The following HERC1 variants were observed in gnomAD, a reference collection of about 807,000 sequenced individuals.
HERC1 encodes the protein probable E3 ubiquitin-protein ligase HERC1.
HERC1 carries 160 observed loss-of-function variants against 554.3 expected under a neutral mutation model. The observed-to-expected ratio is 0.29, with a 90% CI of 0.25 to 0.33. The LOEUF is 0.33. HERC1 is among the 10% of genes least tolerant of loss of function. HERC1 has a pLI of 1.00. For synonymous variants in HERC1, 2,175 were observed against 2,131.7 expected (o/e 1.02, Z -0.56); for missense variants, 4,919 against 5,918.5 (o/e 0.83, Z 5.54).
At position 63,756,781 on chromosome 15, in the gene HERC1, T is replaced by C; in HGVS notation, c.1222-33A>G. On this transcript the variant is annotated intron_variant, in intron 4 of 77. Transcript: ENST00000443617. The surrounding 1 kb of genome is among the most constrained non-coding windows in gnomAD (Gnocchi z 5.0). ...CAAAGAATCATAAATATAAAATACT[T>C]CTGTGAGTATCAAAGTATAATATTT... 1 of 1,339,692 alleles carries C rather than the reference T, an allele frequency of 7.5e-7. No individual in the cohort carries two copies. The highest frequency in any genetic ancestry group is 1.0e-6 in the Non-Finnish European group (1 of 987,604). 83.0% of individuals were successfully genotyped at this position (1,339,692 alleles called of 1,614,324 possible).
intron 1 of HERC1, among the ~76,000 whole-genome samples, chr15:63,801,055 T>C (rs1374184104): frequency 6.6e-6 from 1 of 152,136 alleles, no homozygotes; most frequent in African/African-American, 2.4e-5. Flanking sequence ...AGCTTTCAGG[T>C]TGGTGAACAC....
intron 13 of HERC1, 93 bp from the exon 14 acceptor site, chr15:63,733,238 T>C (rs772991309): frequency 1.2e-4 from 89 of 752,796 alleles, no homozygotes; most frequent in Non-Finnish European, 2.0e-4. Flanking sequence ...ACTAATCCAC[T>C]TACTAGCTTA....
intron 69 of HERC1, among the ~76,000 whole-genome samples, chr15:63,630,227 C>T (rs975796296): frequency 9.9e-5 from 15 of 152,140 alleles, no homozygotes; most frequent in Admixed American, 9.8e-4. Context: ...CTCAGCCAAT[C>T]CCCTTAATCA....
In HERC1 at chr15:63,622,029, G is replaced by T. The variant is rs1034158287; in HGVS notation, c.13688+786C>A. Among the ~76,000 whole-genome samples, 8 of 152,242 alleles carry T rather than the reference G, an allele frequency of 5.3e-5. 1 individual carries two copies. The South Asian group carries it at 1.7e-3, about 32-fold the overall frequency. Reference sequence around the variant, plus strand: ...TCCGTCCAGCTTTGTTCCGTTGCTGGTGAGGAGCTGCGTAATCATTCTGTT... The same window carrying T: ...TCCGTCCAGCTTTGTTCCGTTGCTGTTGAGGAGCTGCGTAATCATTCTGTT... On this transcript the variant is annotated intron_variant, in intron 74 of 77. Transcript: ENST00000443617.
intron 57 of HERC1, 27 bp from the exon 58 acceptor site, chr15:63,643,577 T>A: frequency 6.7e-7 from 1 of 1,483,370 alleles, no homozygotes; most frequent in Non-Finnish European, 9.1e-7. Flanking sequence ...TTAACATGCA[T>A]TAAAATAAAG....
In HERC1 at chr15:63,669,534, G is replaced by C; in HGVS notation, c.8206+4C>G. 4 of 1,613,466 alleles carry C rather than the reference G, an allele frequency of 2.5e-6. No homozygotes were observed. The highest frequency in any genetic ancestry group is 3.4e-6 in the Non-Finnish European group (4 of 1,179,460). The stretch of plus-strand genomic sequence containing the variant: ...GATATCATAGTGCATATCAGCACAC[G>C]CACCTGTGCGGTTAGCTGGCCTTGC... On this transcript the variant is annotated splice_donor_region_variant and intron_variant, in intron 40 of 77. Coordinates refer to ENST00000443617, the MANE Select transcript of HERC1 (RefSeq NM_003922.4).
intron 1 of HERC1, among the ~76,000 whole-genome samples, chr15:63,824,935 CTAGGAGAG>C (rs1256654359): frequency 6.6e-6 from 1 of 151,036 alleles, no homozygotes; most frequent in Non-Finnish European, 1.5e-5. Context: ...AGAACAGTGG[CTAGGAGAG>C]TAGGGGAGAT....
chr15:63,620,384 T>C (rs1410614205), intron 74 of HERC1, among the ~76,000 whole-genome samples: 4 of 151,976 alleles, frequency 2.6e-5, no homozygotes, highest in South Asian at 2.1e-4. Flanking sequence ...TCTGTTCTTT[T>C]ACATTTGCTG....
intron 48 of HERC1, among the ~76,000 whole-genome samples, chr15:63,658,234 C>T (rs552410751): frequency 9.9e-5 from 15 of 152,174 alleles, no homozygotes; most frequent in Admixed American, 2.6e-4. Context: ...ACGGTCAATA[C>T]ATTTTGACCT....
In HERC1 at chr15:63,694,583, T is replaced by G; in HGVS notation, c.5243-34A>C. ...CAAAGAGACAGTTAAGAATCTTCCTTTCAGTAAACAAAGCATTTATTAAAA... is the reference window on the plus strand; with the variant it reads ...CAAAGAGACAGTTAAGAATCTTCCTGTCAGTAAACAAAGCATTTATTAAAA... On this transcript the variant is annotated intron_variant, in intron 28 of 77. Coordinates refer to ENST00000443617, the MANE Select transcript of HERC1 (RefSeq NM_003922.4). This position sits in a 1 kb window ranked among gnomAD's most constrained non-coding sequence, Gnocchi z 4.3. 5 of 1,559,394 alleles carry G rather than the reference T, an allele frequency of 3.2e-6. No homozygotes were observed. The highest frequency in any genetic ancestry group is 4.4e-6 in the Non-Finnish European group (5 of 1,132,484).
At chr15:63,788,142 T>G (rs2076516618) in intron 1 of HERC1, among the ~76,000 whole-genome samples, 1 of 152,122 alleles carries the variant, frequency 6.6e-6, no homozygotes, top group Admixed American at 6.5e-5. Context: ...CAGTACAGAA[T>G]GTGAAAAAGA....
At chr15:63,614,659 C>T (rs1447643215) in intron 76 of HERC1, among the ~76,000 whole-genome samples, 2 of 152,172 alleles carry the variant, frequency 1.3e-5, no homozygotes, top group African/African-American at 2.4e-5. Context: ...AAGACCCCAA[C>T]ATATTCTGCA....
intron 68 of HERC1, among the ~76,000 whole-genome samples, chr15:63,630,882 A>G (rs1354324582): frequency 6.6e-6 from 1 of 152,244 alleles, no homozygotes; most frequent in Non-Finnish European, 1.5e-5. Flanking sequence ...AGTTGTATCT[A>G]AACTCGGTAA....
At chr15:63,660,375 T>G (rs907180494) in intron 46 of HERC1, among the ~76,000 whole-genome samples, 1 of 152,138 alleles carries the variant, frequency 6.6e-6, no homozygotes, top group East Asian at 1.9e-4. Flanking sequence ...AAAATGCAGA[T>G]GGACTGAAAG....
Position 63,747,751 on chromosome 15 carries a change from A to C in HERC1, c.2327T>G (p.Ile776Ser), listed in dbSNP as rs1299716128. Residue 776 changes from isoleucine to serine, a missense_variant, in exon 11 of 78, where the codon ATT becomes AGT. By Grantham distance (142) the Ile-to-Ser change is moderately radical. Coordinates refer to ENST00000443617, the MANE Select transcript of HERC1 (RefSeq NM_003922.4). ...ERYCDKINSE[I>S]PPLPFPSSRE... ...TGATGAAGGGAAAGGGAGTGGGGGA[A>C]TCTCACTGTTTATTTTATCACAGTA... is the stretch of plus-strand genomic sequence containing the variant. 2 of 1,550,180 alleles carry C rather than the reference A, an allele frequency of 1.3e-6. No homozygotes were observed. The highest frequency in any genetic ancestry group is 3.9e-5 in the Admixed American group (2 of 50,968).
Position 63,696,201 on chromosome 15 carries a change from G to A in HERC1, c.5044C>T (p.Leu1682=). The A allele has an allele frequency of 6.2e-7, 1 of 1,613,510 alleles. No individual in the cohort carries two copies. Among genetic ancestry groups the A allele is most frequent in the Non-Finnish European group, 8.5e-7 (1 of 1,179,664 alleles). Residue 1682 remains leucine (L), a synonymous_variant, in exon 27 of 78, where the codon CTA becomes TTA. Coordinates refer to ENST00000443617, the MANE Select transcript of HERC1 (RefSeq NM_003922.4). The part of the protein sequence containing the change: ...TLLTSVRLQF[L]AGCFGLGTVG... ...GTGCCTAAACCAAAACACCCTGCTAGGAACTGCAGCCTCACAGACGTGAGT... is the reference window on the plus strand; with the variant it reads ...GTGCCTAAACCAAAACACCCTGCTAAGAACTGCAGCCTCACAGACGTGAGT...
chr15:63,650,077 C>T (rs2069588033), intron 53 of HERC1, among the ~76,000 whole-genome samples, 152 bp from the exon 54 acceptor site: 1 of 152,128 alleles, frequency 6.6e-6, no homozygotes. Flanking sequence ...AGGCAGGATC[C>T]TTCATTTATA....
chr15:63,626,488 A>G (rs62012826), intron 70 of HERC1, among the ~76,000 whole-genome samples: 22,096 of 152,230 alleles, frequency 0.15, 2,178 homozygotes, highest in Middle Eastern at 0.21. Flanking sequence ...TTTTCCTTTC[A>G]TATTTAATAA....
chr15:63,632,879 G>T, intron 67 of HERC1, 68 bp from the exon 68 acceptor site: 1 of 1,084,174 alleles, frequency 9.2e-7, no homozygotes, highest in South Asian at 1.4e-5. Context: ...TTTGCCTAAT[G>T]GCATGTATCA....
Sources: gnomAD v4.1 joint callset for allele counts (sites outside exome capture counted in the v4.1 genomes callset) on GRCh38, gnomAD v4.1.1 for gene constraint, Gnocchi (gnomAD v3.1) non-coding constraint, MANE v1.5 for transcripts, NCBI Gene and HGNC (gene_info 2026-07-23, HGNC 2026-07-21) for gene names.